ITIH5: variants seen among roughly 807,000 people sequenced by gnomAD.
ITIH5 encodes the protein inter-alpha-trypsin inhibitor heavy chain 5, also known as inter-alpha-trypsin inhibitor heavy chain H5.
Under a neutral mutation model 77.5 loss-of-function variants are expected in ITIH5, and 65 were observed. The observed-to-expected ratio is 0.84, with a 90% CI of 0.69 to 1.03. The LOEUF is 1.03. Among genes scored for constraint, ITIH5 ranks in the 50% least tolerant of loss-of-function variants. The pLI, the probability that ITIH5 is intolerant of heterozygous loss-of-function variation, is 0.00. For synonymous variants in ITIH5, 525 were observed against 494.3 expected, an observed-to-expected ratio of 1.06 and a Z score of -0.82; for missense variants, 1,208 against 1,213.1, an observed-to-expected ratio of 1.00 and a Z score of 0.06.
intron 7 of ITIH5, among the ~76,000 whole-genome samples, chr10:7,609,661 A>G (rs1015092649): frequency 1.3e-5 from 2 of 152,196 alleles, no homozygotes; most frequent in Non-Finnish European, 2.9e-5. Context: ...TTACCCTCTA[A>G]ATTTGTCAAC....
In ITIH5 at chr10:7,576,611, G is replaced by A. The variant is rs926349690; in HGVS notation, c.1820C>T (p.Ala607Val). The change falls in exon 10 of 14, where the codon GCC (alanine) becomes GTC (valine). Residue 607 changes from alanine (A) to valine (V), a missense_variant. Transcript: ENST00000397146. Reference protein sequence around the residue: ...EKERLRQRAQALAVSYRFLTP... With the variant: ...EKERLRQRAQVLAVSYRFLTP... ...GAGGAAGCGGTAGCTCACAGCCAGG[G>A]CCTGGGCCCGCTGCCGCAGCCGCTC... The A allele has an allele frequency of 6.2e-7, 1 of 1,614,074 alleles. No individual in the cohort carries two copies. The highest frequency in any genetic ancestry group is 8.5e-7 in the Non-Finnish European group (1 of 1,180,036).
intron 7 of ITIH5, among the ~76,000 whole-genome samples, chr10:7,592,845 G>A (rs1011679449): frequency 6.6e-6 from 1 of 152,152 alleles, no homozygotes; most frequent in Non-Finnish European, 1.5e-5. Context: ...TGAAGGTGCC[G>A]GCTGGGATGG....
At chr10:7,610,069 C>CT (rs5782989) in intron 7 of ITIH5, among the ~76,000 whole-genome samples, 1,258 of 86,690 alleles carry the variant, frequency 0.015, 17 homozygotes, top group African/African-American at 0.033. Flanking sequence ...TTTCTTTTTT[C>CT]TTTTTTTTTT....
intron 5 of ITIH5, among the ~76,000 whole-genome samples, chr10:7,629,599 TAGCGTGTATCCATGTTGC>T (rs1833680154): frequency 7.5e-6 from 1 of 133,138 alleles, no homozygotes; most frequent in African/African-American, 2.5e-5. Flanking sequence ...GTCCATGTTG[TAGCGTGTATCCATGTTGC>T]AGCGTGTGTC....
At chr10:7,635,136 T>C (rs1384739138) in intron 5 of ITIH5, among the ~76,000 whole-genome samples, 4 of 152,204 alleles carry the variant, frequency 2.6e-5, no homozygotes, top group African/African-American at 4.8e-5. Context: ...ACCTACTGTT[T>C]AACAGGCATT....
At chr10:7,565,897 G>A in intron 13 of ITIH5, 133 bp downstream of exon 13, 2 of 1,167,686 alleles carry the variant, frequency 1.7e-6, no homozygotes, top group Non-Finnish European at 2.4e-6. Flanking sequence ...TACATATGCG[G>A]ACTGTATATA....
At chr10:7,633,022 G>A (rs550391575) in intron 5 of ITIH5, among the ~76,000 whole-genome samples, 3 of 152,290 alleles carry the variant, frequency 2.0e-5, no homozygotes, top group African/African-American at 7.2e-5. Flanking sequence ...CACACAGTGG[G>A]AATATCTGTC....
intron 9 of ITIH5, among the ~76,000 whole-genome samples, 192 bp from the exon 10 acceptor site, chr10:7,577,204 G>A (rs114167294): frequency 0.011 from 1,620 of 152,242 alleles, 30 homozygotes; most frequent in African/African-American, 0.038. Context: ...ATTGGTGAGA[G>A]GGAATGCATT....
intron 12 of ITIH5, among the ~76,000 whole-genome samples, chr10:7,566,908 GAAGAAGAAGAAGAAA>G (rs1832196612): frequency 9.9e-6 from 1 of 100,624 alleles, no homozygotes; most frequent in African/African-American, 4.0e-5. Context: ...AGAAGAAGAA[GAAGAAGAAGAAGAAA>G]AGAAAAGAAA....
rs536230435 is a variant in ITIH5, at chr10:7,633,146, T to C, written c.652+4082A>G. On this transcript the variant is annotated intron_variant, in intron 5 of 13. Coordinates refer to ENST00000397146, the MANE Select transcript of ITIH5 (RefSeq NM_030569.7). ...GAGCTCTTAAAGCATGAGAATATTGTAGAGGATAAGAACTGCGGAAGTGGA... is the reference window on the plus strand; with the variant it reads ...GAGCTCTTAAAGCATGAGAATATTGCAGAGGATAAGAACTGCGGAAGTGGA... Among the ~76,000 whole-genome samples the C allele has an allele frequency of 3.3e-5, 5 of 152,332 alleles. No homozygotes were observed. The South Asian group carries it at 8.3e-4, about 25-fold the overall frequency.
In ITIH5 at chr10:7,629,080, C is replaced by T. The variant is rs1190073755; in HGVS notation, c.652+8148G>A. On this transcript the variant is annotated intron_variant, in intron 5 of 13. Transcript: ENST00000397146. ...GTTGTAGCGTGTGCCCATGTTGTAG[C>T]GTGTATCCATGTTGTAGTGTGTGTC... 2.8e-4 allele frequency among the ~76,000 whole-genome samples: 35 copies of T among 123,794 alleles called. 2 individuals are homozygous for T. Among genetic ancestry groups the T allele is most frequent in the African/African-American group, 5.6e-4 (18 of 32,374 alleles). 81.2% of individuals were successfully genotyped at this position (123,794 alleles called of 152,430 possible). A position where few individuals can be genotyped will look rare whatever the true frequency, so the allele number is the denominator to read the frequency against.
chr10:7,636,870 G>A (rs1833805798), intron 5 of ITIH5, among the ~76,000 whole-genome samples: 1 of 152,062 alleles, frequency 6.6e-6, no homozygotes, highest in African/African-American at 2.4e-5. Context: ...TGACCAACAT[G>A]GTGAAACCCC....
intron 7 of ITIH5, among the ~76,000 whole-genome samples, chr10:7,590,615 C>T (rs980950727): frequency 6.6e-6 from 1 of 152,190 alleles, no homozygotes; most frequent in Non-Finnish European, 1.5e-5. Flanking sequence ...ATGTTTGCCA[C>T]GTCATTTCAA....
chr10:7,641,831 A>G, intron 3 of ITIH5, 96 bp downstream of exon 3: 1 of 974,110 alleles, frequency 1.0e-6, no homozygotes, highest in Non-Finnish European at 1.6e-6. Context: ...ACTGGAATAT[A>G]AATCCTCACA....
chr10:7,588,243 G>T (rs991713676), intron 7 of ITIH5, among the ~76,000 whole-genome samples: 2 of 152,184 alleles, frequency 1.3e-5, no homozygotes, highest in Admixed American at 6.5e-5. Flanking sequence ...AATTAGCCAG[G>T]CATGGTGGTG....
intron 5 of ITIH5, chr10:7,619,032 C>T (rs12219950): frequency 0.15 from 22,674 of 152,122 alleles, 1,838 homozygotes; most frequent in East Asian, 0.26. Flanking sequence ...AGAGAGAACA[C>T]GAGTCCACAG....
chr10:7,648,687 A>G (rs888251304), intron 2 of ITIH5, among the ~76,000 whole-genome samples: 11 of 152,212 alleles, frequency 7.2e-5, no homozygotes, highest in Non-Finnish European at 1.0e-4. Context: ...TTCACTTAGT[A>G]TGCTTGAGAA....
In ITIH5 at chr10:7,655,630, C is replaced by A; in HGVS notation, c.135+1G>T. On this transcript the variant is annotated splice_donor_variant, in intron 2 of 13. Transcript: ENST00000397146. LOFTEE classifies it high-confidence loss of function. ...TCAAGATGCACCATGAATATACCTACCAGCCTCTGCAACAGTCTGACTTGC... is the reference window on the plus strand; with the variant it reads ...TCAAGATGCACCATGAATATACCTAACAGCCTCTGCAACAGTCTGACTTGC... 1 of 1,610,656 alleles carries A rather than the reference C, an allele frequency of 6.2e-7. No homozygotes were observed.
At chr10:7,595,862 GC>G (rs1425371063) in intron 7 of ITIH5, among the ~76,000 whole-genome samples, 1 of 152,050 alleles carries the variant, frequency 6.6e-6, no homozygotes, top group Non-Finnish European at 1.5e-5. Flanking sequence ...CAAAAAATTA[GC>G]CAGGCATTGT....
Sources: allele counts gnomAD v4.1 joint callset (sites outside exome capture counted in the v4.1 genomes callset), GRCh38; gene constraint gnomAD v4.1.1; transcripts MANE v1.5; gene names NCBI Gene and HGNC (gene_info 2026-07-23, HGNC 2026-07-21).